Variants in HECTD2 observed in about 807,000 individuals in gnomAD.
The protein encoded by HECTD2 is HECT domain E3 ubiquitin protein ligase 2, also known as probable E3 ubiquitin-protein ligase HECTD2.
A neutral mutation model predicts 103.2 loss-of-function variants in HECTD2; 35 were observed. The observed-to-expected ratio is 0.34, with a 90% confidence interval of 0.26 to 0.45. The LOEUF (loss-of-function observed/expected upper bound fraction) is 0.45, where lower values mean the gene tolerates loss of function less well. Among genes scored for constraint, HECTD2 ranks in the 20% least tolerant of loss-of-function variants. The pLI is 1.00. For missense variants in HECTD2, 596 were observed against 937.4 expected (o/e 0.64, Z 4.76); for synonymous variants, 281 against 329.9 (o/e 0.85, Z 1.61).
intron 1 of HECTD2, among the ~76,000 whole-genome samples, chr10:91,419,667 A>G (rs1035489291): frequency 1.3e-5 from 2 of 152,186 alleles, no homozygotes; most frequent in African/African-American, 2.4e-5. Flanking sequence ...AAATAAATAC[A>G]TATCTATTAT....
chr10:91,505,574 T>G (rs1378656493), intron 20 of HECTD2, among the ~76,000 whole-genome samples: 4 of 148,812 alleles, frequency 2.7e-5, no homozygotes, highest in African/African-American at 9.8e-5. Flanking sequence ...AAGAGCTAAC[T>G]ATCCTAAATA....
intron 5 of HECTD2, among the ~76,000 whole-genome samples, chr10:91,468,956 A>AC (rs1422596326): frequency 7.3e-5 from 11 of 151,582 alleles, no homozygotes; most frequent in African/African-American, 2.2e-4. Context: ...AAAAAAAAAA[A>AC]ACAAGAGTAC....
chr10:91,433,981 A>C (rs984967288), intron 2 of HECTD2, among the ~76,000 whole-genome samples: 2 of 151,930 alleles, frequency 1.3e-5, no homozygotes, highest in African/African-American at 2.4e-5. Context: ...TAGAGAGGGG[A>C]CTTTCAAATA....
intron 2 of HECTD2, among the ~76,000 whole-genome samples, chr10:91,451,924 A>G (rs1264023810): frequency 1.3e-5 from 2 of 152,234 alleles, no homozygotes; most frequent in East Asian, 1.9e-4. Context: ...TTTCATTATT[A>G]TAGACCTTAA....
At position 91,513,763 on chromosome 10, in the gene HECTD2, T is replaced by A. The variant is rs1171410846; in HGVS notation, c.*1379T>A. On this transcript the variant is annotated 3_prime_UTR_variant, in exon 21 of 21. Coordinates refer to ENST00000298068, the MANE Select transcript of HECTD2 (RefSeq NM_182765.6). ...GCAAATAATACTTTCCCCAAAATCT[T>A]TCTGGGCTAGGCTATTTTCTTGCTA... is the stretch of plus-strand genomic sequence containing the variant. 6.6e-6 allele frequency: 1 copy of A among 152,582 alleles called. No individual in the cohort carries two copies. The highest frequency in any genetic ancestry group is 1.5e-5 in the Non-Finnish European group (1 of 68,028). 9.5% of individuals were successfully genotyped at this position (152,582 alleles called of 1,614,324 possible). A position where few individuals can be genotyped will look rare whatever the true frequency, so the allele number is the denominator to read the frequency against.
intron 1 of HECTD2, among the ~76,000 whole-genome samples, chr10:91,418,340 A>G (rs1011838320): frequency 3.3e-5 from 5 of 152,162 alleles, no homozygotes; most frequent in African/African-American, 1.2e-4. Context: ...CTCTAATGCC[A>G]CCTTGCCTTC....
At chr10:91,494,674 C>T (rs1846601269) in intron 14 of HECTD2, among the ~76,000 whole-genome samples, 7 of 151,954 alleles carry the variant, frequency 4.6e-5, no homozygotes, top group Admixed American at 4.6e-4. Flanking sequence ...TGCTAAATTC[C>T]ACAAAATGAA....
intron 20 of HECTD2, among the ~76,000 whole-genome samples, chr10:91,502,220 C>T (rs1173521315): frequency 6.6e-6 from 1 of 152,126 alleles, no homozygotes; most frequent in African/African-American, 2.4e-5. Context: ...AGGCTATCTA[C>T]CAGTTTTCAT....
At chr10:91,426,465 C>A (rs978760243) in intron 2 of HECTD2, among the ~76,000 whole-genome samples, 3 of 151,994 alleles carry the variant, frequency 2.0e-5, no homozygotes, top group Non-Finnish European at 4.4e-5. Context: ...CACTCTAAGC[C>A]AGTGCTAGAC....
intron 2 of HECTD2, among the ~76,000 whole-genome samples, chr10:91,455,750 T>G (rs1845058448): frequency 6.6e-6 from 1 of 152,194 alleles, no homozygotes; most frequent in South Asian, 2.1e-4. Flanking sequence ...AATTTTTGTA[T>G]AAGGTGAAAG....
intron 1 of HECTD2, among the ~76,000 whole-genome samples, chr10:91,421,673 T>G (rs1458283697): frequency 6.6e-6 from 1 of 152,212 alleles, no homozygotes; most frequent in East Asian, 1.9e-4. Context: ...AATTCATTAT[T>G]TCATCATGCG....
At chr10:91,470,182 A>G (rs1193858895) in intron 5 of HECTD2, among the ~76,000 whole-genome samples, 1 of 152,218 alleles carries the variant, frequency 6.6e-6, no homozygotes, top group Admixed American at 6.5e-5. Context: ...ACAAAGATAC[A>G]TGGGACCTGA....
Position 91,513,123 on chromosome 10 carries a change from T to C in HECTD2, c.*739T>C, listed in dbSNP as rs1847482290. The C allele has an allele frequency of 6.6e-6, 1 of 152,662 alleles. No homozygotes were observed. The highest frequency in any genetic ancestry group is 2.1e-4 in the South Asian group (1 of 4,834). 9.5% of individuals were successfully genotyped at this position (152,662 alleles called of 1,614,324 possible). On this transcript the variant is annotated 3_prime_UTR_variant, in exon 21 of 21. Transcript: ENST00000298068. ...TATATTCTTTTAAGTGTTGTTAGTC[T>C]GCATGCACATTGGCAGTAAACTAGT...
chr10:91,413,254 G>T (rs1842994633), intron 1 of HECTD2, among the ~76,000 whole-genome samples: 1 of 152,140 alleles, frequency 6.6e-6, no homozygotes, highest in African/African-American at 2.4e-5. Context: ...TTACAGAAAG[G>T]TACAGGGGTG....
intron 11 of HECTD2, chr10:91,489,706 A>G (rs1846396345): frequency 6.6e-6 from 1 of 152,240 alleles, no homozygotes; most frequent in African/African-American, 2.4e-5. Flanking sequence ...GACTTCCTTG[A>G]TAAGTGAGGA....
chr10:91,513,928 A>C lies in HECTD2; in HGVS notation c.*1544A>C, dbSNP rs1486939321. 1 of 152,602 alleles carries C rather than the reference A, an allele frequency of 6.6e-6. No individual in the cohort carries two copies. The highest frequency in any genetic ancestry group is 1.5e-5 in the Non-Finnish European group (1 of 68,034). The allele number at this position is 152,602 out of a possible 1,614,324, so 9.5% of individuals were successfully genotyped here. ...TACTATTCTCTTGGAGATGGAAGTG[A>C]TTCTGCTCTTCCATTTGGGTATATT... On this transcript the variant is annotated 3_prime_UTR_variant, in exon 21 of 21. Transcript: ENST00000298068.
At chr10:91,480,187 A>C (rs1283737187) in intron 6 of HECTD2, among the ~76,000 whole-genome samples, 2 of 152,106 alleles carry the variant, frequency 1.3e-5, no homozygotes, top group East Asian at 3.9e-4. Flanking sequence ...AATATCATTA[A>C]AAAAATTCTA....
intron 2 of HECTD2, among the ~76,000 whole-genome samples, chr10:91,445,046 T>C (rs1274461499): frequency 6.6e-6 from 1 of 152,140 alleles, no homozygotes; most frequent in Non-Finnish European, 1.5e-5. Flanking sequence ...TATTCAAAAA[T>C]GTAAAGATCA....
chr10:91,499,547 G>A (rs1846811438), intron 18 of HECTD2, among the ~76,000 whole-genome samples: 2 of 152,108 alleles, frequency 1.3e-5, no homozygotes, highest in Non-Finnish European at 2.9e-5. Context: ...TGCTACCTCA[G>A]GGCTCCCTCA....
Sources: allele counts gnomAD v4.1 joint callset (sites outside exome capture counted in the v4.1 genomes callset), GRCh38; gene constraint gnomAD v4.1.1; transcripts MANE v1.5; gene names NCBI Gene and HGNC (gene_info 2026-07-23, HGNC 2026-07-21).